The following TMEM163 variants were observed in gnomAD, a reference collection of about 807,000 sequenced individuals.
The protein encoded by TMEM163 is transmembrane protein 163.
In TMEM163, 17 loss-of-function variants were observed where a neutral mutation model predicts 29.3. That is an observed-to-expected ratio of 0.58 (90% CI 0.40 to 0.87). TMEM163 has a LOEUF of 0.87. Ranked by LOEUF, TMEM163 falls within the 40% of genes least tolerant of loss-of-function variation. The pLI, the probability that TMEM163 is intolerant of heterozygous loss-of-function variation, is 0.00. For missense variants in TMEM163, 303 were observed against 381.5 expected (o/e 0.79, Z 1.71); for synonymous variants, 157 against 160.6 (o/e 0.98, Z 0.17).
At chr2:134,588,849 G>A (rs911190627) in intron 2 of TMEM163, among the ~76,000 whole-genome samples, 1 of 152,170 alleles carries the variant, frequency 6.6e-6, no homozygotes, top group East Asian at 1.9e-4. Flanking sequence ...AAACGTTGGG[G>A]GGGGAAGAGG....
At chr2:134,536,766 C>T (rs1680550139) in intron 4 of TMEM163, among the ~76,000 whole-genome samples, 1 of 152,140 alleles carries the variant, frequency 6.6e-6, no homozygotes, top group Non-Finnish European at 1.5e-5. Context: ...GGTCAAAAAC[C>T]TGTCAGATTA....
intron 2 of TMEM163, among the ~76,000 whole-genome samples, chr2:134,597,806 A>T (rs370152005): frequency 1.3e-5 from 2 of 152,272 alleles, no homozygotes; most frequent in African/African-American, 4.8e-5. Flanking sequence ...GTTATTGGTC[A>T]ATTCAGAGAT....
At chr2:134,681,338 C>T (rs1048188033) in intron 2 of TMEM163, among the ~76,000 whole-genome samples, 15 of 152,302 alleles carry the variant, frequency 9.8e-5, no homozygotes, top group African/African-American at 3.6e-4. Flanking sequence ...TATGCATTAC[C>T]TGCCTCCTAC....
chr2:134,543,801 C>T (rs1680725501), intron 4 of TMEM163, among the ~76,000 whole-genome samples: 1 of 152,144 alleles, frequency 6.6e-6, no homozygotes, highest in South Asian at 2.1e-4. Flanking sequence ...ACCGGTGGGC[C>T]TGTCTATTTC....
intron 2 of TMEM163, among the ~76,000 whole-genome samples, chr2:134,621,423 A>G (rs1028539887): frequency 5.3e-5 from 8 of 152,246 alleles, no homozygotes; most frequent in African/African-American, 1.9e-4. Context: ...GACAGTTTCT[A>G]AAAAGGTTAA....
intron 4 of TMEM163, among the ~76,000 whole-genome samples, chr2:134,531,260 G>T (rs535235346): frequency 6.6e-6 from 1 of 152,186 alleles, no homozygotes; most frequent in East Asian, 1.9e-4. Context: ...CCAAACTCAA[G>T]ATATTTTTCT....
intron 4 of TMEM163, among the ~76,000 whole-genome samples, chr2:134,529,608 C>T (rs1680375722): frequency 6.6e-6 from 1 of 151,696 alleles, no homozygotes; most frequent in African/African-American, 2.4e-5. Flanking sequence ...CAAAAATTGG[C>T]CGGGCATGGT....
intron 2 of TMEM163, among the ~76,000 whole-genome samples, chr2:134,561,235 G>T (rs1398109281): frequency 6.6e-6 from 1 of 152,176 alleles, no homozygotes. Context: ...ACGGAGTCTC[G>T]CTCTGTCGCC....
intron 2 of TMEM163, among the ~76,000 whole-genome samples, chr2:134,635,322 C>T (rs1683079678): frequency 6.6e-6 from 1 of 152,130 alleles, no homozygotes; most frequent in Admixed American, 6.5e-5. Flanking sequence ...CTCTGTGCAT[C>T]CCTGAGCCAC....
intron 5 of TMEM163, among the ~76,000 whole-genome samples, chr2:134,484,307 T>G (rs751447900): frequency 6.6e-6 from 1 of 152,120 alleles, no homozygotes; most frequent in African/African-American, 2.4e-5. Context: ...ACAAGCTCCA[T>G]AGAGAAAACA....
At chr2:134,641,972 T>C (rs1396934502) in intron 2 of TMEM163, among the ~76,000 whole-genome samples, 1 of 152,090 alleles carries the variant, frequency 6.6e-6, no homozygotes, top group Non-Finnish European at 1.5e-5. Context: ...CAAAAACAAC[T>C]ATCAAGGATA....
chr2:134,601,943 G>A (rs928781222), intron 2 of TMEM163, among the ~76,000 whole-genome samples: 1 of 152,094 alleles, frequency 6.6e-6, no homozygotes, highest in Non-Finnish European at 1.5e-5. Flanking sequence ...TAGATACCTG[G>A]GGGAAGAGCA....
intron 2 of TMEM163, among the ~76,000 whole-genome samples, chr2:134,670,163 A>T (rs961267703): frequency 1.3e-5 from 2 of 152,084 alleles, no homozygotes; most frequent in Non-Finnish European, 2.9e-5. Flanking sequence ...TCAAAATAGC[A>T]ATTTACCTCC....
chr2:134,658,655 T>C (rs1215895777), intron 2 of TMEM163, among the ~76,000 whole-genome samples: 2 of 152,132 alleles, frequency 1.3e-5, no homozygotes, highest in African/African-American at 2.4e-5. Flanking sequence ...TGGAGTGCAT[T>C]GGTACAATCT....
chr2:134,549,398 A>T (rs1370323682), intron 4 of TMEM163, among the ~76,000 whole-genome samples: 1 of 152,222 alleles, frequency 6.6e-6, no homozygotes, highest in African/African-American at 2.4e-5. Context: ...CCCAGGCTGC[A>T]CTGCAGTGGC....
At chr2:134,713,151 A>C in intron 2 of TMEM163, 49 bp downstream of exon 2, 2 of 1,588,540 alleles carry the variant, frequency 1.3e-6, no homozygotes, top group Non-Finnish European at 1.7e-6. Context: ...TTAGAGAATA[A>C]AACGGGCAAC....
intron 2 of TMEM163, among the ~76,000 whole-genome samples, chr2:134,612,734 A>T (rs903883563): frequency 6.6e-6 from 1 of 152,198 alleles, no homozygotes; most frequent in Non-Finnish European, 1.5e-5. Flanking sequence ...AAAGTTATTT[A>T]AAAAAAGAAC....
chr2:134,603,398 A>C (rs1198687378), intron 2 of TMEM163, among the ~76,000 whole-genome samples: 1 of 152,224 alleles, frequency 6.6e-6, no homozygotes, highest in Non-Finnish European at 1.5e-5. Context: ...GAAGTAATTT[A>C]AAATGGCAAG....
intron 4 of TMEM163, among the ~76,000 whole-genome samples, chr2:134,526,739 C>T (rs1680307435): frequency 6.6e-6 from 1 of 152,178 alleles, no homozygotes; most frequent in African/African-American, 2.4e-5. Context: ...GCAGTGCAGG[C>T]TGACAGGTCC....
Sources: allele counts gnomAD v4.1 joint callset (sites outside exome capture counted in the v4.1 genomes callset), GRCh38; gene constraint gnomAD v4.1.1; transcripts MANE v1.5; gene names NCBI Gene and HGNC (gene_info 2026-07-23, HGNC 2026-07-21).